Variants in SPAG16 observed in about 807,000 individuals in gnomAD.
SPAG16 encodes the protein sperm associated antigen 16.
Under a neutral mutation model 80.4 loss-of-function variants are expected in SPAG16, and 86 were observed. The ratio of observed to expected loss-of-function variants is 1.07; its 90% confidence interval spans 0.90 to 1.28. The LOEUF is 1.28. Among genes scored for constraint, SPAG16 ranks in the 50% most tolerant of loss-of-function variants. SPAG16 has a pLI of 0.00. For synonymous variants in SPAG16, 294 were observed against 265.9 expected (o/e 1.11, Z -1.03); for missense variants, 870 against 765.3 (o/e 1.14, Z -1.61).
chr2:214,404,545 A>C (rs1437720339), intron 15 of SPAG16, among the ~76,000 whole-genome samples: 2 of 152,234 alleles, frequency 1.3e-5, no homozygotes, highest in Non-Finnish European at 2.9e-5. Flanking sequence ...AAAAGTAAAA[A>C]TATGAAAATG....
chr2:214,238,676 G>T (rs1689241665), intron 15 of SPAG16: 1 of 149,068 alleles, frequency 6.7e-6, no homozygotes, highest in Admixed American at 6.8e-5. Flanking sequence ...CATAGTTTAG[G>T]ATTTCATGTG....
chr2:214,140,816 G>T (rs1351215530), intron 14 of SPAG16, among the ~76,000 whole-genome samples: 1 of 151,128 alleles, frequency 6.6e-6, no homozygotes, highest in African/African-American at 2.4e-5. Context: ...TGGGAATTTT[G>T]TTATTGTTTC....
At chr2:213,472,011 A>C (rs2081313) in intron 9 of SPAG16, among the ~76,000 whole-genome samples, 13,696 of 152,262 alleles carry the variant, frequency 0.09, 1,590 homozygotes, top group African/African-American at 0.27. Context: ...ATGCAAATAT[A>C]TCACCAATAA....
At chr2:213,534,149 T>A (rs1041865246) in intron 10 of SPAG16, among the ~76,000 whole-genome samples, 1 of 152,138 alleles carries the variant, frequency 6.6e-6, no homozygotes, top group African/African-American at 2.4e-5. Context: ...TAATATCCAT[T>A]TGTGTTTTCT....
intron 11 of SPAG16, among the ~76,000 whole-genome samples, chr2:213,871,563 A>T (rs2075946041): frequency 6.6e-6 from 1 of 151,954 alleles, no homozygotes; most frequent in Admixed American, 6.6e-5. Context: ...CATAGGAAAG[A>T]CTTGAGAAGG....
At chr2:213,906,710 C>T (rs1045522548) in intron 11 of SPAG16, among the ~76,000 whole-genome samples, 1 of 152,080 alleles carries the variant, frequency 6.6e-6, no homozygotes, top group African/African-American at 2.4e-5. Context: ...GAAATTAATC[C>T]ACATATTTAC....
At chr2:214,166,877 A>G (rs1401242358) in intron 15 of SPAG16, among the ~76,000 whole-genome samples, 2 of 152,166 alleles carry the variant, frequency 1.3e-5, no homozygotes, top group Non-Finnish European at 1.5e-5. Flanking sequence ...AAAAATGAAA[A>G]TAAATAATGC....
At chr2:214,029,506 C>T (rs2048307514) in intron 13 of SPAG16, among the ~76,000 whole-genome samples, 1 of 151,870 alleles carries the variant, frequency 6.6e-6, no homozygotes, top group African/African-American at 2.4e-5. Flanking sequence ...ATGGTGGAAG[C>T]AGAAAAATCC....
chr2:213,804,296 G>T (rs529831327), intron 10 of SPAG16, among the ~76,000 whole-genome samples: 1 of 152,270 alleles, frequency 6.6e-6, no homozygotes, highest in East Asian at 1.9e-4. Context: ...TTTTAACTTG[G>T]TTGGGGAGGT....
At chr2:213,523,582 A>G (rs2075771105) in intron 10 of SPAG16, among the ~76,000 whole-genome samples, 1 of 152,158 alleles carries the variant, frequency 6.6e-6, no homozygotes, top group African/African-American at 2.4e-5. Flanking sequence ...AGAGACTTGG[A>G]GGGCTTAGAA....
intron 3 of SPAG16, among the ~76,000 whole-genome samples, chr2:213,304,228 C>A (rs2062852791): frequency 6.6e-6 from 1 of 151,524 alleles, no homozygotes; most frequent in South Asian, 2.1e-4. Flanking sequence ...TTTAAAATTA[C>A]TTTTTTTCTT....
At chr2:213,758,582 A>G (rs2068472648) in intron 10 of SPAG16, among the ~76,000 whole-genome samples, 1 of 152,150 alleles carries the variant, frequency 6.6e-6, no homozygotes, top group Non-Finnish European at 1.5e-5. Flanking sequence ...GATTCAAAGG[A>G]AGATTTGAGC....
intron 15 of SPAG16, among the ~76,000 whole-genome samples, chr2:214,237,793 T>G (rs1271673451): frequency 2.6e-5 from 4 of 151,958 alleles, no homozygotes; most frequent in Non-Finnish European, 4.4e-5. Context: ...ATATAGTATA[T>G]TATAGTGTAA....
chr2:214,001,304 C>G (rs962997903), intron 12 of SPAG16, among the ~76,000 whole-genome samples: 8 of 152,080 alleles, frequency 5.3e-5, no homozygotes, highest in African/African-American at 1.9e-4. Flanking sequence ...TTGACCTTTT[C>G]TATCTATCTA....
intron 3 of SPAG16, among the ~76,000 whole-genome samples, chr2:213,298,117 A>G (rs1421780612): frequency 1.3e-5 from 2 of 152,142 alleles, no homozygotes; most frequent in Non-Finnish European, 2.9e-5. Context: ...GACTTCTTCA[A>G]TGTAGAAGTC....
chr2:213,725,719 A>C (rs1036796568), intron 10 of SPAG16, among the ~76,000 whole-genome samples: 1 of 152,232 alleles, frequency 6.6e-6, no homozygotes, highest in African/African-American at 2.4e-5. Flanking sequence ...AATGGAGTTG[A>C]CTTGAGTGTT....
At chr2:213,949,179 T>TTTTTTTTTGTTTTTTTTTTTGTTTTG (rs1553677666) in intron 12 of SPAG16, among the ~76,000 whole-genome samples, 1 of 36,244 alleles carries the variant, frequency 2.8e-5, no homozygotes, top group Non-Finnish European at 5.5e-5. Flanking sequence ...GTTTTTTTTT[T>TTTTTTTTTGTTTTTTTTTTTGTTTTG]TTTTTTTTTT....
intron 15 of SPAG16, among the ~76,000 whole-genome samples, chr2:214,366,757 G>T (rs1296934036): frequency 6.6e-6 from 1 of 152,028 alleles, no homozygotes; most frequent in Non-Finnish European, 1.5e-5. Context: ...TACACAAAGA[G>T]AAAGTAATGG....
rs961325429 is a variant in SPAG16 at position 214,173,413 on chromosome 2, T to C, written c.1720+24147T>C. Among the ~76,000 whole-genome samples the C allele has an allele frequency of 2.6e-5, 4 of 152,186 alleles. No individual in the cohort carries two copies. In the East Asian group the frequency reaches 7.8e-4, roughly 30 times the overall value. On this transcript the variant is annotated intron_variant, in intron 15 of 15. Transcript: ENST00000331683. Reference sequence around the variant, plus strand: ...GTCAAAGATCAGATAATTGTAGATATGCGGCGTTATTTCTGAGGGCTCTGT... The same window carrying C: ...GTCAAAGATCAGATAATTGTAGATACGCGGCGTTATTTCTGAGGGCTCTGT...
Sources: allele counts gnomAD v4.1 joint callset (sites outside exome capture counted in the v4.1 genomes callset), GRCh38; gene constraint gnomAD v4.1.1; transcripts MANE v1.5; gene names NCBI Gene and HGNC (gene_info 2026-07-23, HGNC 2026-07-21).